E2F7: variants seen among roughly 807,000 people sequenced by gnomAD.
The protein encoded by E2F7 is E2F transcription factor 7.
E2F7 carries 35 observed loss-of-function variants against 81.1 expected under a neutral mutation model. That is an observed-to-expected ratio of 0.43 (90% confidence interval 0.33 to 0.57). The LOEUF (loss-of-function observed/expected upper bound fraction) is 0.57, where lower values mean the gene tolerates loss of function less well. Among genes scored for constraint, E2F7 ranks in the 20% least tolerant of loss-of-function variants. The pLI is 0.04. For missense variants in E2F7, 961 were observed against 1,093.7 expected (o/e 0.88, Z 1.71); for synonymous variants, 416 against 416.2 (o/e 1.00, Z 0.01).
chr12:77,046,662 C>G (rs1954945465), intron 4 of E2F7, among the ~76,000 whole-genome samples: 1 of 152,150 alleles, frequency 6.6e-6, no homozygotes, highest in Admixed American at 6.5e-5. Flanking sequence ...AACTGGTGGC[C>G]TGAGCAATAC....
chr12:77,054,217 G>C (rs562001303), intron 3 of E2F7, among the ~76,000 whole-genome samples: 6 of 151,290 alleles, frequency 4.0e-5, no homozygotes, highest in African/African-American at 1.5e-4. Flanking sequence ...TGTACCCACT[G>C]AACTTAAAAG....
chr12:77,042,270 A>T (rs1340720695), intron 7 of E2F7, among the ~76,000 whole-genome samples: 1 of 152,228 alleles, frequency 6.6e-6, no homozygotes, highest in Non-Finnish European at 1.5e-5. Flanking sequence ...GTTATACTTG[A>T]TTTTAAGTGG....
At chr12:77,033,357 G>A (rs1954821720) in intron 8 of E2F7, among the ~76,000 whole-genome samples, 1 of 151,920 alleles carries the variant, frequency 6.6e-6, no homozygotes, top group African/African-American at 2.4e-5. Flanking sequence ...TACAAAAAAC[G>A]AAAAATTAGC....
rs1354082547 is a variant in E2F7 at position 77,023,994 on chromosome 12, C to T, written c.*21G>A. On this transcript the variant is annotated 3_prime_UTR_variant, in exon 13 of 13. Transcript: ENST00000322886. ...GACTCTCAGGGCGTTTGATCCCACC[C>T]CCACCTGGCAAAGCGGCAGGTTAGT... 4 of 1,611,204 alleles carry T rather than the reference C, an allele frequency of 2.5e-6. No individual in the cohort carries two copies. The highest frequency in any genetic ancestry group is 1.1e-5 in the South Asian group (1 of 90,816).
chr12:77,043,004 T>G (rs879219218), intron 7 of E2F7, 61 bp downstream of exon 7: 5 of 1,611,818 alleles, frequency 3.1e-6, no homozygotes, highest in African/African-American at 1.3e-5. Flanking sequence ...GATGTGAGAC[T>G]TGGAAAAGGA....
At chr12:77,042,418 T>C (rs541089255) in intron 7 of E2F7, among the ~76,000 whole-genome samples, 7 of 152,328 alleles carry the variant, frequency 4.6e-5, no homozygotes, top group African/African-American at 1.7e-4. Flanking sequence ...CTTTAATGGC[T>C]TTTTCCCAGG....
chr12:77,051,486 G>A (rs954525905), intron 3 of E2F7, among the ~76,000 whole-genome samples: 1 of 151,892 alleles, frequency 6.6e-6, no homozygotes, highest in African/African-American at 2.4e-5. Flanking sequence ...GGGGCCTGTC[G>A]TGGGGTGGGG....
At chr12:77,036,940 G>A (rs138585034) in intron 7 of E2F7, among the ~76,000 whole-genome samples, 493 of 152,178 alleles carry the variant, frequency 3.2e-3, no homozygotes, top group African/African-American at 0.011. Flanking sequence ...TAGTAGAGAT[G>A]GGGTTTCACC....
chr12:77,041,977 G>C (rs1267120535), intron 7 of E2F7, among the ~76,000 whole-genome samples: 1 of 152,150 alleles, frequency 6.6e-6, no homozygotes, highest in East Asian at 1.9e-4. Context: ...ATACTCAATT[G>C]CAGTTGTTCA....
intron 2 of E2F7, among the ~76,000 whole-genome samples, chr12:77,059,283 C>T (rs1955059574): frequency 6.6e-6 from 1 of 152,152 alleles, no homozygotes; most frequent in Non-Finnish European, 1.5e-5. Flanking sequence ...AGAAAGTCAA[C>T]TGCAATCTAG....
intron 5 of E2F7, 151 bp from the exon 6 acceptor site, chr12:77,044,946 G>C (rs543795587): frequency 2.2e-6 from 2 of 910,906 alleles, no homozygotes; most frequent in East Asian, 5.4e-5. Context: ...CATCACAGAA[G>C]TCAGCTCAGG....
chr12:77,030,410 G>A, intron 9 of E2F7, 78 bp from the exon 10 acceptor site: 2 of 1,480,608 alleles, frequency 1.4e-6, no homozygotes, highest in Non-Finnish European at 1.8e-6. Flanking sequence ...AGACAGCCAT[G>A]CCAAATCAAG....
chr12:77,041,427 G>C (rs751325897), intron 7 of E2F7, among the ~76,000 whole-genome samples: 5 of 152,156 alleles, frequency 3.3e-5, no homozygotes, highest in Non-Finnish European at 7.3e-5. Context: ...CTGACCTCAG[G>C]TGATCTGCCT....
chr12:77,036,254 T>C (rs1377743634), intron 7 of E2F7, among the ~76,000 whole-genome samples: 1 of 152,068 alleles, frequency 6.6e-6, no homozygotes, highest in African/African-American at 2.4e-5. Context: ...AAACCAATCA[T>C]AGAGAGAAAC....
At chr12:77,025,534 T>C in intron 12 of E2F7, 24 bp downstream of exon 12, 1 of 1,610,266 alleles carries the variant, frequency 6.2e-7, no homozygotes, top group Non-Finnish European at 8.5e-7. Flanking sequence ...AGTGACAGTG[T>C]CTTCAGGAAA....
chr12:77,063,059 G>A (rs1181935913), intron 2 of E2F7, among the ~76,000 whole-genome samples: 1 of 152,076 alleles, frequency 6.6e-6, no homozygotes, highest in Non-Finnish European at 1.5e-5. Flanking sequence ...ATCCTGCTCC[G>A]TCCTGCTTCG....
chr12:77,062,610 C>A (rs773659903), intron 2 of E2F7, among the ~76,000 whole-genome samples: 11 of 152,090 alleles, frequency 7.2e-5, no homozygotes, highest in Non-Finnish European at 1.5e-4. Context: ...TTTCCCCACA[C>A]ACATTAGAAT....
intron 7 of E2F7, among the ~76,000 whole-genome samples, chr12:77,042,806 A>G (rs1954904200): frequency 6.6e-6 from 1 of 152,242 alleles, no homozygotes; most frequent in Admixed American, 6.5e-5. Context: ...AAAAAGCTTC[A>G]GAACAAAGAG....
intron 9 of E2F7, among the ~76,000 whole-genome samples, chr12:77,032,142 CCTGT>C (rs768720108): frequency 3.3e-5 from 5 of 152,304 alleles, no homozygotes; most frequent in African/African-American, 4.8e-5. Flanking sequence ...TGTTCTGTGG[CCTGT>C]CTTTCTCTAC....
Sources: gnomAD v4.1 joint callset for allele counts (sites outside exome capture counted in the v4.1 genomes callset) on GRCh38, gnomAD v4.1.1 for gene constraint, MANE v1.5 for transcripts, NCBI Gene and HGNC (gene_info 2026-07-23, HGNC 2026-07-21) for gene names.